The following CMIP variants were observed in gnomAD, a reference collection of about 807,000 sequenced individuals.
CMIP encodes the protein C-Maf-inducing protein.
Under a neutral mutation model 97.3 loss-of-function variants are expected in CMIP, and 13 were observed. The ratio of observed to expected loss-of-function variants is 0.13; its 90% CI spans 0.09 to 0.21. CMIP has a LOEUF of 0.21. Ranked by LOEUF, CMIP falls within the 10% of genes least tolerant of loss-of-function variation. The pLI, the probability that CMIP is intolerant of heterozygous loss-of-function variation, is 1.00. For missense variants in CMIP, 847 were observed against 1,024.9 expected (o/e 0.83, Z 2.37); for synonymous variants, 538 against 436.3 (o/e 1.23, Z -2.91).
At chr16:81,680,935 G>C (rs1904812038) in intron 10 of CMIP, among the ~76,000 whole-genome samples, 1 of 152,208 alleles carries the variant, frequency 6.6e-6, no homozygotes, top group Non-Finnish European at 1.5e-5. Flanking sequence ...TCAGCACGCA[G>C]TTGACACACA....
chr16:81,594,543 C>T (rs1439917666), intron 1 of CMIP, among the ~76,000 whole-genome samples: 1 of 152,140 alleles, frequency 6.6e-6, no homozygotes, highest in South Asian at 2.1e-4. Context: ...TGCCTGAGAC[C>T]TCGAATAGTA....
At chr16:81,703,698 G>C (rs74439549) in intron 17 of CMIP, among the ~76,000 whole-genome samples, 57 of 152,166 alleles carry the variant, frequency 3.7e-4, no homozygotes, top group Admixed American at 1.4e-3. Context: ...CACAGCACTG[G>C]AGGCTTTCTC....
At chr16:81,478,238 A>G (rs895002716) in intron 1 of CMIP, among the ~76,000 whole-genome samples, 12 of 152,180 alleles carry the variant, frequency 7.9e-5, no homozygotes, top group African/African-American at 2.9e-4. Context: ...ATCCTTTGAA[A>G]GCCACTCACA....
chr16:81,468,753 C>T (rs1907355084), intron 1 of CMIP, among the ~76,000 whole-genome samples: 2 of 152,216 alleles, frequency 1.3e-5, no homozygotes, highest in Admixed American at 6.5e-5. Context: ...GGCTGCTGAT[C>T]CAAGAATGGG....
chr16:81,562,921 G>A (rs1006967834), intron 1 of CMIP, among the ~76,000 whole-genome samples: 1 of 152,212 alleles, frequency 6.6e-6, no homozygotes, highest in Non-Finnish European at 1.5e-5. Context: ...CTTGTCTGCT[G>A]GGATCTGCCG....
rs2089662994 is a variant in CMIP at position 81,504,216 on chromosome 16, C to A, written c.300+58675C>A. 2.6e-5 allele frequency among the ~76,000 whole-genome samples: 4 copies of A among 152,080 alleles called. No individual in the cohort carries two copies. In the South Asian group the frequency reaches 6.2e-4, roughly 24 times the overall value. On this transcript the variant is annotated intron_variant, in intron 1 of 20. Coordinates refer to ENST00000537098, the MANE Select transcript of CMIP (RefSeq NM_198390.3). ...TCGTGGGCGCCAGTAATCCCAAGTA[C>A]TTGGGAGGCTGAGGCAGGAGAATCG...
chr16:81,615,329 GTGTA>G (rs1319621413), intron 2 of CMIP, among the ~76,000 whole-genome samples: 1 of 139,056 alleles, frequency 7.2e-6, no homozygotes, highest in African/African-American at 2.7e-5. Flanking sequence ...GGTGTGTGTG[GTGTA>G]TGTGTCTTTG....
chr16:81,534,151 C>T (rs912823349), intron 1 of CMIP, among the ~76,000 whole-genome samples: 1 of 152,206 alleles, frequency 6.6e-6, no homozygotes. Context: ...GTTTCAAAGC[C>T]AGGACTTTCA....
intron 1 of CMIP, among the ~76,000 whole-genome samples, chr16:81,486,948 G>A (rs183852864): frequency 2.6e-5 from 4 of 152,396 alleles, no homozygotes; most frequent in African/African-American, 4.8e-5. Context: ...GTTCAAAGGC[G>A]CACGGCAGGC....
chr16:81,657,962 G>T, intron 5 of CMIP, 146 bp downstream of exon 5: 1 of 633,200 alleles, frequency 1.6e-6, no homozygotes, highest in Non-Finnish European at 2.7e-6. Flanking sequence ...CAAGCCGGAC[G>T]CACCTCCCTC....
At chr16:81,537,140 A>G (rs1017828542) in intron 1 of CMIP, among the ~76,000 whole-genome samples, 6 of 152,312 alleles carry the variant, frequency 3.9e-5, no homozygotes, top group African/African-American at 1.4e-4. Flanking sequence ...GACTCAGAGC[A>G]GGGTCCCCCC....
At chr16:81,574,479 C>T (rs897110685) in intron 1 of CMIP, among the ~76,000 whole-genome samples, 1 of 152,264 alleles carries the variant, frequency 6.6e-6, no homozygotes, top group Non-Finnish European at 1.5e-5. Flanking sequence ...GCCCCAGGTT[C>T]AGGGCATAAT....
intron 10 of CMIP, among the ~76,000 whole-genome samples, chr16:81,679,283 T>C (rs1423388982): frequency 6.6e-6 from 1 of 151,926 alleles, no homozygotes; most frequent in Non-Finnish European, 1.5e-5. Context: ...GTGTGTTAAA[T>C]GCACAGCAGT....
intron 10 of CMIP, among the ~76,000 whole-genome samples, chr16:81,690,591 C>A (rs1905949312): frequency 6.6e-6 from 1 of 152,176 alleles, no homozygotes; most frequent in South Asian, 2.1e-4. Flanking sequence ...GCGGCCTCCG[C>A]CTCCCAGGTT....
intron 1 of CMIP, among the ~76,000 whole-genome samples, chr16:81,550,979 TC>T (rs2090643283): frequency 7.1e-6 from 1 of 140,590 alleles, no homozygotes; most frequent in Non-Finnish European, 1.5e-5. Context: ...CGCACCCCAG[TC>T]CCGTCACACG....
At chr16:81,479,390 A>T (rs942016723) in intron 1 of CMIP, among the ~76,000 whole-genome samples, 1 of 152,306 alleles carries the variant, frequency 6.6e-6, no homozygotes, top group African/African-American at 2.4e-5. Context: ...ACCAGTTTTA[A>T]GTGTGCAGTT....
At chr16:81,593,929 C>T (rs1211114501) in intron 1 of CMIP, among the ~76,000 whole-genome samples, 1 of 151,868 alleles carries the variant, frequency 6.6e-6, no homozygotes, top group African/African-American at 2.4e-5. Flanking sequence ...CTTCCCTTCC[C>T]TCTTCCCTCT....
intron 1 of CMIP, among the ~76,000 whole-genome samples, chr16:81,492,961 G>A (rs769576717): frequency 6.6e-6 from 1 of 152,146 alleles, no homozygotes; most frequent in Non-Finnish European, 1.5e-5. Flanking sequence ...GCGAGAAGAT[G>A]CAGATGCCCC....
intron 3 of CMIP, among the ~76,000 whole-genome samples, chr16:81,645,161 A>T (rs767391516): frequency 9.8e-5 from 15 of 152,366 alleles, no homozygotes; most frequent in Non-Finnish European, 1.8e-4. Flanking sequence ...CAGTGTGCGT[A>T]GCCACCTGGG....
Sources: allele counts gnomAD v4.1 joint callset (sites outside exome capture counted in the v4.1 genomes callset), GRCh38; gene constraint gnomAD v4.1.1; transcripts MANE v1.5; gene names NCBI Gene and HGNC (gene_info 2026-07-23, HGNC 2026-07-21).